The following LDB2 variants were observed in gnomAD, a reference collection of about 807,000 sequenced individuals.
LDB2 encodes LIM domain binding 2.
LDB2 carries 12 observed loss-of-function variants against 44.3 expected under a neutral mutation model. That is an observed-to-expected ratio of 0.27 (90% confidence interval 0.17 to 0.44). LDB2 has a LOEUF of 0.44. LDB2 is among the 20% of genes least tolerant of loss of function. The probability of loss-of-function intolerance (pLI) is 1.00; values close to 1 mark genes in which losing one functional copy is unlikely to be tolerated. For synonymous variants in LDB2, 164 were observed against 174.8 expected, an observed-to-expected ratio of 0.94 and a Z score of 0.49; for missense variants, 344 against 473.5, an observed-to-expected ratio of 0.73 and a Z score of 2.54.
intron 2 of LDB2, among the ~76,000 whole-genome samples, chr4:16,612,493 G>T (rs933711767): frequency 1.3e-5 from 2 of 151,958 alleles, no homozygotes; most frequent in South Asian, 2.1e-4. Flanking sequence ...AGAGAAAAAA[G>T]AATCAAATAG....
intron 7 of LDB2, chr4:16,503,261 C>A (rs929102310): frequency 7.8e-6 from 7 of 899,580 alleles, no homozygotes; most frequent in Non-Finnish European, 6.8e-6. Context: ...AAAAATCTGC[C>A]ACTTTTATTT....
intron 1 of LDB2, among the ~76,000 whole-genome samples, chr4:16,859,410 CG>C (rs1194698357): frequency 6.6e-6 from 1 of 152,162 alleles, no homozygotes; most frequent in Non-Finnish European, 1.5e-5. Context: ...GCTATTAAAC[CG>C]CATTTTGAAA....
At chr4:16,702,083 T>C (rs1470523057) in intron 2 of LDB2, among the ~76,000 whole-genome samples, 1 of 152,144 alleles carries the variant, frequency 6.6e-6, no homozygotes, top group African/African-American at 2.4e-5. Flanking sequence ...AAGAGTTCCA[T>C]AATTCTTGCA....
intron 5 of LDB2, among the ~76,000 whole-genome samples, chr4:16,548,985 G>GTCTT (rs769715981): frequency 6.6e-6 from 1 of 152,124 alleles, no homozygotes; most frequent in African/African-American, 2.4e-5. Flanking sequence ...GAAGCATGGC[G>GTCTT]TCTTATATGA....
intron 1 of LDB2, among the ~76,000 whole-genome samples, chr4:16,854,096 G>A (rs1200580088): frequency 6.6e-6 from 1 of 151,960 alleles, no homozygotes; most frequent in Non-Finnish European, 1.5e-5. Context: ...TAATATAACT[G>A]TATGGTATAG....
intron 1 of LDB2, among the ~76,000 whole-genome samples, chr4:16,844,237 C>T (rs994760870): frequency 2.5e-5 from 3 of 121,604 alleles, no homozygotes; most frequent in African/African-American, 9.5e-5. Flanking sequence ...GACAGAGACA[C>T]ACCCTGTCTC....
At position 16,563,600 on chromosome 4, in the gene LDB2, C is replaced by T. The variant is rs182293524; in HGVS notation, c.615+22322G>A. Among the ~76,000 whole-genome samples, 1,097 of 150,888 alleles carry T rather than the reference C, an allele frequency of 7.3e-3. 15 individuals are homozygous for T. Among genetic ancestry groups the T allele is most frequent in the African/African-American group, 0.026 (1,050 of 41,016 alleles). On this transcript the variant is annotated intron_variant, in intron 5 of 7. Coordinates refer to ENST00000304523, the MANE Select transcript of LDB2 (RefSeq NM_001290.5). ...AGTAGCTGGGACTACAGGTGCCCAC[C>T]ACCACGCCTGGCTAATTTTTTTTTT...
chr4:16,783,219 G>C (rs1314343322), intron 1 of LDB2, among the ~76,000 whole-genome samples: 1 of 152,264 alleles, frequency 6.6e-6, no homozygotes, highest in African/African-American at 2.4e-5. Context: ...GATTGACCCT[G>C]CTTCATTGTC....
intron 5 of LDB2, among the ~76,000 whole-genome samples, chr4:16,524,478 G>A (rs1200512252): frequency 2.0e-5 from 3 of 152,104 alleles, no homozygotes; most frequent in Admixed American, 6.6e-5. Flanking sequence ...GGAAATATAC[G>A]TGTGAATGCA....
At chr4:16,767,358 T>A (rs1308915222) in intron 1 of LDB2, among the ~76,000 whole-genome samples, 1 of 152,196 alleles carries the variant, frequency 6.6e-6, no homozygotes, top group African/African-American at 2.4e-5. Context: ...AGGAGGATTA[T>A]TTCTTGACAC....
At chr4:16,642,622 C>G (rs1319521796) in intron 2 of LDB2, among the ~76,000 whole-genome samples, 1 of 152,114 alleles carries the variant, frequency 6.6e-6, no homozygotes, top group African/African-American at 2.4e-5. Flanking sequence ...GCTTCAGGAC[C>G]CTGTTCCTCC....
At chr4:16,752,144 A>G (rs1243506549) in intron 2 of LDB2, among the ~76,000 whole-genome samples, 1 of 152,194 alleles carries the variant, frequency 6.6e-6, no homozygotes. Context: ...ATAATTAAAC[A>G]TGAAGGACTA....
intron 2 of LDB2, among the ~76,000 whole-genome samples, chr4:16,599,942 T>C (rs995097054): frequency 3.3e-5 from 5 of 152,166 alleles, no homozygotes; most frequent in Non-Finnish European, 7.4e-5. Context: ...AGCAAGTATT[T>C]AAGTATCTAT....
chr4:16,684,291 C>T (rs1354224281), intron 2 of LDB2, among the ~76,000 whole-genome samples: 3 of 152,128 alleles, frequency 2.0e-5, no homozygotes, highest in Admixed American at 1.3e-4. Flanking sequence ...CTAATCTCAG[C>T]GGAAATTTCG....
In LDB2 at chr4:16,618,499, ATG is replaced by A. The variant is rs1394446585; in HGVS notation, c.236-22626_236-22625del. Among the ~76,000 whole-genome samples, 6 of 152,296 alleles carry A rather than the reference ATG, an allele frequency of 3.9e-5. No homozygotes were observed. The East Asian group carries it at 5.8e-4, about 15-fold the overall frequency. On this transcript the variant is annotated intron_variant, in intron 2 of 7. Coordinates refer to ENST00000304523, the MANE Select transcript of LDB2 (RefSeq NM_001290.5). ...AATGTATATGTGTGTACATATGTGC[ATG>A]TGTGTTTGTGTATGTGTGTATATAC...
chr4:16,503,168 A>G, intron 7 of LDB2: 21 of 1,534,366 alleles, frequency 1.4e-5, no homozygotes, highest in Non-Finnish European at 1.8e-5. Context: ...CAAAATTAAA[A>G]AAATCCATGC....
intron 2 of LDB2, among the ~76,000 whole-genome samples, chr4:16,676,578 C>T (rs1010602263): frequency 2.0e-5 from 3 of 152,324 alleles, no homozygotes; most frequent in Middle Eastern, 3.4e-3. Flanking sequence ...AAGCAATATT[C>T]ACCACTGACT....
intron 2 of LDB2, among the ~76,000 whole-genome samples, chr4:16,692,941 G>A (rs544776472): frequency 6.6e-6 from 1 of 152,300 alleles, no homozygotes; most frequent in African/African-American, 2.4e-5. Flanking sequence ...TAGTTTCCTT[G>A]AGGTAGAGAT....
At chr4:16,701,543 A>G (rs547555932) in intron 2 of LDB2, among the ~76,000 whole-genome samples, 1 of 152,316 alleles carries the variant, frequency 6.6e-6, no homozygotes, top group South Asian at 2.1e-4. Context: ...CACCAAGAAC[A>G]CTGTGATCGT....
Sources: gnomAD v4.1 joint callset for allele counts (sites outside exome capture counted in the v4.1 genomes callset) on GRCh38, gnomAD v4.1.1 for gene constraint, MANE v1.5 for transcripts, NCBI Gene and HGNC (gene_info 2026-07-23, HGNC 2026-07-21) for gene names.